The following VCAN variants were observed in gnomAD, a reference collection of about 807,000 sequenced individuals.
VCAN encodes the protein versican.
A neutral mutation model predicts 245.5 loss-of-function variants in VCAN; 44 were observed. The ratio of observed to expected loss-of-function variants is 0.18; its 90% CI spans 0.14 to 0.23. The LOEUF (loss-of-function observed/expected upper bound fraction) is 0.23. Among genes scored for constraint, VCAN ranks in the 10% least tolerant of loss-of-function variants. The pLI, the probability that VCAN is intolerant of heterozygous loss-of-function variation, is 1.00. For missense variants in VCAN, 3,793 were observed against 4,057.9 expected, an observed-to-expected ratio of 0.93 and a Z score of 1.77; for synonymous variants, 1,413 against 1,437.0, an observed-to-expected ratio of 0.98 and a Z score of 0.38.
intron 6 of VCAN, among the ~76,000 whole-genome samples, chr5:83,513,942 A>G (rs1333907330): frequency 6.6e-6 from 1 of 152,128 alleles, no homozygotes; most frequent in Admixed American, 6.6e-5. Context: ...TGCTTTATTA[A>G]TAAAACTGGC....
At chr5:83,510,717 A>C (rs545144945) in intron 5 of VCAN, among the ~76,000 whole-genome samples, 1 of 152,252 alleles carries the variant, frequency 6.6e-6, no homozygotes, top group Admixed American at 6.5e-5. Flanking sequence ...AACTTAACAA[A>C]CTCTGAAGTT....
chr5:83,482,308 C>T (rs1028668396), intron 1 of VCAN, among the ~76,000 whole-genome samples: 2 of 152,210 alleles, frequency 1.3e-5, no homozygotes, highest in Admixed American at 6.5e-5. Flanking sequence ...ATGAATCTAT[C>T]TTTCCCAGGG....
intron 6 of VCAN, among the ~76,000 whole-genome samples, chr5:83,518,253 AC>A (rs1001267947): frequency 8.5e-4 from 129 of 152,278 alleles, no homozygotes; most frequent in African/African-American, 2.7e-3. Context: ...TTTTAAAAAA[AC>A]AATCATTATA....
rs747191404 is a variant in VCAN at position 83,580,012 on chromosome 5, G to A, written c.9913G>A (p.Ala3305Thr). The A allele has an allele frequency of 6.2e-7, 1 of 1,614,074 alleles. No homozygotes were observed. Among genetic ancestry groups the A allele is most frequent in the Non-Finnish European group, 8.5e-7 (1 of 1,180,000 alleles). Residue 3305 changes from alanine to threonine, a missense_variant, in exon 14 of 15, where the codon GCC (alanine) becomes ACC (threonine). Ala to Thr is a moderately conservative substitution (Grantham distance 58). Transcript: ENST00000265077. ...CGGCCAGCCCCCTGTTGTAGAAAAT[G>A]CCAAGACCTTTGGAAAGATGAAACC... ...ACGQPPVVEN[A>T]KTFGKMKPRY...
At chr5:83,562,792 A>T (rs1441180807) in intron 12 of VCAN, among the ~76,000 whole-genome samples, 2 of 152,112 alleles carry the variant, frequency 1.3e-5, no homozygotes, top group Non-Finnish European at 2.9e-5. Flanking sequence ...CATTCTATGG[A>T]TTAAATGCAA....
At chr5:83,513,218 C>T (rs983682512) in intron 6 of VCAN, among the ~76,000 whole-genome samples, 11 of 152,254 alleles carry the variant, frequency 7.2e-5, no homozygotes, top group African/African-American at 2.2e-4. Flanking sequence ...ACCATCTATA[C>T]TATGCTAGCT....
chr5:83,579,886 C>T, intron 13 of VCAN, 94 bp from the exon 14 acceptor site: 12 of 1,392,312 alleles, frequency 8.6e-6, no homozygotes, highest in South Asian at 1.2e-5. Flanking sequence ...AAGTTGCTTA[C>T]TTTGGTACCA....
chr5:83,579,241 GTTTGTTTGTTTGTTTGT>G (rs1375407155), intron 13 of VCAN, among the ~76,000 whole-genome samples: 3 of 116,094 alleles, frequency 2.6e-5, no homozygotes, highest in African/African-American at 6.1e-5. Flanking sequence ...TTTTTTGTTT[GTTTGTTTGTTTGTTTGT>G]TTTGTTTTGT....
intron 13 of VCAN, among the ~76,000 whole-genome samples, chr5:83,576,122 C>A (rs1748464122): frequency 6.6e-6 from 1 of 152,070 alleles, no homozygotes; most frequent in Non-Finnish European, 1.5e-5. Context: ...AAGAACACCT[C>A]AATGCATACT....
chr5:83,564,281 A>C (rs181474189), intron 12 of VCAN, among the ~76,000 whole-genome samples: 30 of 152,256 alleles, frequency 2.0e-4, no homozygotes, highest in African/African-American at 7.0e-4. Context: ...TGTAGCCGTT[A>C]ATTCATAATG....
Position 83,520,313 on chromosome 5 carries a change from C to T in VCAN, c.2007C>T (p.Ser669=), listed in dbSNP as rs900141047. 5 of 1,613,722 alleles carry T rather than the reference C, an allele frequency of 3.1e-6. No individual in the cohort carries two copies. The highest frequency in any genetic ancestry group is 4.2e-6 in the Non-Finnish European group (5 of 1,179,936). Reference sequence around the variant, plus strand: ...ATAAAATATTAGTAGAGGGAATTTCCACAGTTATTTATCCTTCTCTACAAA... The same window carrying T: ...ATAAAATATTAGTAGAGGGAATTTCTACAGTTATTTATCCTTCTCTACAAA... The part of the protein sequence containing the change: ...SGDKILVEGI[S]TVIYPSLQTE... The change falls in exon 7 of 15, where the codon TCC becomes TCT. Residue 669 remains serine, a synonymous_variant. Transcript: ENST00000265077.
At chr5:83,485,352 C>T (rs891444824) in intron 2 of VCAN, among the ~76,000 whole-genome samples, 7 of 149,028 alleles carry the variant, frequency 4.7e-5, no homozygotes, top group Admixed American at 6.7e-5. Context: ...TGTGGTGAGC[C>T]GGGATTGCAT....
intron 1 of VCAN, among the ~76,000 whole-genome samples, chr5:83,474,849 GTTTTA>G (rs778827115): frequency 6.8e-4 from 103 of 152,336 alleles, no homozygotes; most frequent in African/African-American, 2.3e-3. Context: ...GGCTATTTAA[GTTTTA>G]TTTTATTTTA....
chr5:83,554,634 A>G (rs560094339), intron 11 of VCAN, among the ~76,000 whole-genome samples: 42 of 152,310 alleles, frequency 2.8e-4, no homozygotes, highest in African/African-American at 8.9e-4. Flanking sequence ...AAAAAAATAG[A>G]AAATTTCTAT....
At chr5:83,474,513 C>A (rs1227849431) in intron 1 of VCAN, among the ~76,000 whole-genome samples, 2 of 152,246 alleles carry the variant, frequency 1.3e-5, no homozygotes, top group African/African-American at 4.8e-5. Flanking sequence ...CTGGGGCCCG[C>A]CCCCACTCGC....
intron 5 of VCAN, among the ~76,000 whole-genome samples, chr5:83,508,293 GT>G (rs1299679244): frequency 6.6e-6 from 1 of 152,210 alleles, no homozygotes; most frequent in Non-Finnish European, 1.5e-5. Flanking sequence ...TGTGTTGTAA[GT>G]TAATTGAGAG....
intron 13 of VCAN, among the ~76,000 whole-genome samples, chr5:83,575,078 A>T (rs1748424325): frequency 6.6e-6 from 1 of 152,236 alleles, no homozygotes; most frequent in South Asian, 2.1e-4. Flanking sequence ...TGTAAAATAT[A>T]AACCTATTTG....
chr5:83,529,015 CACACACACACAT>C (rs1459109356), intron 7 of VCAN, among the ~76,000 whole-genome samples: 150 of 151,778 alleles, frequency 9.9e-4, no homozygotes, highest in African/African-American at 3.6e-3. Flanking sequence ...CACACACACA[CACACACACACAT>C]ATATGTATAC....
chr5:83,500,538 T>C (rs568617403), intron 5 of VCAN, among the ~76,000 whole-genome samples: 1 of 152,302 alleles, frequency 6.6e-6, no homozygotes, highest in South Asian at 2.1e-4. Flanking sequence ...GGTGGGAGTA[T>C]TATTTAACTT....
Sources: gnomAD v4.1 joint callset for allele counts (sites outside exome capture counted in the v4.1 genomes callset) on GRCh38, gnomAD v4.1.1 for gene constraint, MANE v1.5 for transcripts, NCBI Gene and HGNC (gene_info 2026-07-23, HGNC 2026-07-21) for gene names.